ZNF133: variants seen among roughly 807,000 people sequenced by gnomAD.
ZNF133 encodes the protein zinc finger protein 133 (clone pHZ-13).
A neutral mutation model predicts 54.9 loss-of-function variants in ZNF133; 26 were observed. The ratio of observed to expected loss-of-function variants is 0.47; its 90% CI spans 0.35 to 0.66. ZNF133 has a LOEUF of 0.66. ZNF133 is among the 30% of genes least tolerant of loss of function. The pLI, the probability that ZNF133 is intolerant of heterozygous loss-of-function variation, is 0.01. For missense variants in ZNF133, 653 were observed against 820.8 expected, an observed-to-expected ratio of 0.80 and a Z score of 2.50; for synonymous variants, 298 against 320.3, an observed-to-expected ratio of 0.93 and a Z score of 0.74.
chr20:18,291,534 G>A (rs1183434687), intron 1 of ZNF133, among the ~76,000 whole-genome samples: 1 of 151,916 alleles, frequency 6.6e-6, no homozygotes, highest in Non-Finnish European at 1.5e-5. Context: ...TTCCACCGTG[G>A]AAAAGGCCCT....
intron 6 of ZNF133, chr20:18,310,439 A>C: frequency 1.0e-6 from 1 of 997,240 alleles, no homozygotes; most frequent in Non-Finnish European, 1.4e-6. Flanking sequence ...CATTAATCAG[A>C]ATGCTAATTC....
chr20:18,293,715 CAG>C (rs1436806943), intron 1 of ZNF133, among the ~76,000 whole-genome samples: 1 of 151,128 alleles, frequency 6.6e-6, no homozygotes, highest in Non-Finnish European at 1.5e-5. Flanking sequence ...ACAGCTCTGA[CAG>C]AGGAATTCTA....
chr20:18,290,750 G>A (rs2040779172), intron 1 of ZNF133, among the ~76,000 whole-genome samples: 1 of 152,114 alleles, frequency 6.6e-6, no homozygotes, highest in African/African-American at 2.4e-5. Context: ...TTGCTGATCT[G>A]TGTTGACAGC....
chr20:18,297,923 GC>G, intron 1 of ZNF133, 61 bp from the exon 2 acceptor site: 1 of 1,126,202 alleles, frequency 8.9e-7, no homozygotes, highest in Non-Finnish European at 1.3e-6. Flanking sequence ...AGCAGGCCCT[GC>G]TTCACTCATG....
chr20:18,297,800 G>T (rs2042545499), intron 1 of ZNF133, among the ~76,000 whole-genome samples, 185 bp from the exon 2 acceptor site: 1 of 152,010 alleles, frequency 6.6e-6, no homozygotes, highest in African/African-American at 2.4e-5. Flanking sequence ...GAAGACCCTG[G>T]ATTACTCTCT....
At chr20:18,300,508 C>T (rs943616435) in intron 3 of ZNF133, among the ~76,000 whole-genome samples, 2 of 152,054 alleles carry the variant, frequency 1.3e-5, no homozygotes, top group Non-Finnish European at 2.9e-5. Flanking sequence ...TATGTAAATG[C>T]TTTAAACTCT....
chr20:18,298,000 T>C lies in ZNF133; in HGVS notation c.-416T>C, dbSNP rs1470678088. ...CCTTACCCAGATCTACCTTCTGAGA[T>C]ATCATCCTTCTTCAGGGAGATAAGG... On this transcript the variant is annotated 5_prime_UTR_variant, in exon 2 of 7. Transcript: ENST00000425686. The C allele has an allele frequency of 3.9e-6, 6 of 1,533,034 alleles. No individual in the cohort carries two copies. Among genetic ancestry groups the C allele is most frequent in the Non-Finnish European group, 3.5e-6 (4 of 1,144,710 alleles). The allele number at this position is 1,533,034 out of a possible 1,614,324, so 95.0% of individuals were successfully genotyped here. A position where few individuals can be genotyped will look rare whatever the true frequency, so the allele number is the denominator to read the frequency against.
Position 18,298,371 on chromosome 20 carries a change from G to A in ZNF133, c.-271G>A, listed in dbSNP as rs974460848. 1.1e-5 allele frequency: 14 copies of A among 1,217,950 alleles called. No homozygotes were observed. The highest frequency in any genetic ancestry group is 1.4e-5 in the Non-Finnish European group (14 of 970,356). 75.4% of individuals were successfully genotyped at this position (1,217,950 alleles called of 1,614,324 possible). ...GAATCTGTGTCCCCACCTAGACAAC[G>A]ATTATACTGGCAGGATCTATCAGGT... On this transcript the variant is annotated 5_prime_UTR_variant, in exon 3 of 7. Transcript: ENST00000425686.
chr20:18,312,174 A>C (rs3918466), intron 6 of ZNF133, among the ~76,000 whole-genome samples: 52,262 of 152,062 alleles, frequency 0.34, 10,749 homozygotes, highest in African/African-American at 0.57. Context: ...GATGCTGAAT[A>C]AACTGAATTT....
Position 18,298,424 on chromosome 20 carries a change from G to A in ZNF133, c.-218G>A. The A allele has an allele frequency of 1.2e-6, 1 of 813,368 alleles. No individual in the cohort carries two copies. Among genetic ancestry groups the A allele is most frequent in the African/African-American group, 1.8e-5 (1 of 54,726 alleles). The allele number at this position is 813,368 out of a possible 1,614,324, so 50.4% of individuals were successfully genotyped here. A position where few individuals can be genotyped will look rare whatever the true frequency, so the allele number is the denominator to read the frequency against. On this transcript the variant is annotated 5_prime_UTR_variant, in exon 3 of 7. Transcript: ENST00000425686. ...ACCTATTTTGGAACTCTGGAGTCTA[G>A]TTGAAGGCCTCCAGTTCCCAGGGGG... is the stretch of plus-strand genomic sequence containing the variant.
chr20:18,314,999 A>T, intron 6 of ZNF133, 70 bp from the exon 7 acceptor site: 1 of 1,462,404 alleles, frequency 6.8e-7, no homozygotes, highest in South Asian at 1.4e-5. Flanking sequence ...AGCCTAGGGG[A>T]TCTGACTAAG....
At position 18,305,072 on chromosome 20, in the gene ZNF133, A is replaced by C. The variant is rs1428139520; in HGVS notation, c.-113A>C. 5.1e-6 allele frequency: 5 copies of C among 985,536 alleles called. No homozygotes were observed. The African/African-American group carries it at 8.7e-5, about 17-fold the overall frequency. The allele number at this position is 985,536 out of a possible 1,614,324, so 61.0% of individuals were successfully genotyped here. ...GAATAAAACTGGGCAGGGGCATGAGAATAGGATGCAAAGATGAATTTTTGG... is the reference window on the plus strand; with the variant it reads ...GAATAAAACTGGGCAGGGGCATGAGCATAGGATGCAAAGATGAATTTTTGG... On this transcript the variant is annotated 5_prime_UTR_variant, in exon 4 of 7. Transcript: ENST00000425686. The surrounding 1 kb of genome is among the most constrained non-coding windows in gnomAD (Gnocchi z 4.7).
Position 18,315,862 on chromosome 20 carries a change from G to C in ZNF133, c.1011G>C (p.Gln337His). 6.2e-7 allele frequency: 1 copy of C among 1,613,174 alleles called. No homozygotes were observed. Residue 337 changes from glutamine to histidine, a missense_variant, in exon 7 of 7, where the codon CAG (glutamine) becomes CAC (histidine). Around this residue, in one of 4 missense-constraint regions of ZNF133, gnomAD observed 292 missense variants for 431.6 expected, o/e 0.68. Transcript: ENST00000425686. The stretch of plus-strand genomic sequence containing the variant: ...GGGAATGTGGCAAAGGCTTCAGCCA[G>C]AAGTCAGCTGTCGTGAGACACCAGA... ...VCRECGKGFSQKSAVVRHQRT... is the reference protein window; with the variant it reads ...VCRECGKGFSHKSAVVRHQRT...
chr20:18,293,484 T>G (rs1439854100), intron 1 of ZNF133, among the ~76,000 whole-genome samples: 7 of 152,226 alleles, frequency 4.6e-5, no homozygotes, highest in Non-Finnish European at 8.8e-5. Context: ...CTGTCTGGCC[T>G]TCTTAGGACT....
chr20:18,316,303 C>G lies in ZNF133; in HGVS notation c.1452C>G (p.His484Gln). 1 of 1,613,816 alleles carries G rather than the reference C, an allele frequency of 6.2e-7. No individual in the cohort carries two copies. The highest frequency in any genetic ancestry group is 8.5e-7 in the Non-Finnish European group (1 of 1,179,848). ...GFSQQSNLIR[H>Q]QRTHSGEKPM... ...GCCAGCAATCCAACCTCATCAGACACCAGAGGACGCACTCAGGCGAGAAGC... is the reference window on the plus strand; with the variant it reads ...GCCAGCAATCCAACCTCATCAGACAGCAGAGGACGCACTCAGGCGAGAAGC... The change falls in exon 7 of 7, where the codon CAC becomes CAG. Residue 484 changes from histidine to glutamine, a missense_variant. Transcript: ENST00000425686.
Position 18,298,352 on chromosome 20 carries a change from G to C in ZNF133, c.-290G>C, listed in dbSNP as rs1600399291. 6 of 1,279,142 alleles carry C rather than the reference G, an allele frequency of 4.7e-6. No individual in the cohort carries two copies. In the East Asian group the frequency reaches 1.7e-4, roughly 37 times the overall value. 79.2% of individuals were successfully genotyped at this position (1,279,142 alleles called of 1,614,324 possible). A position where few individuals can be genotyped will look rare whatever the true frequency, so the allele number is the denominator to read the frequency against. On this transcript the variant is annotated 5_prime_UTR_variant, in exon 3 of 7. Transcript: ENST00000425686. ...ATGGAACGGGAAGATTCTGGAATCT[G>C]TGTCCCCACCTAGACAACGATTATA...
intron 6 of ZNF133, among the ~76,000 whole-genome samples, chr20:18,307,234 G>C (rs2044846464): frequency 6.6e-6 from 1 of 151,888 alleles, no homozygotes; most frequent in Non-Finnish European, 1.5e-5. Context: ...TGTTCTTTTT[G>C]TTTGTTTGAA....
Position 18,305,837 on chromosome 20 carries a change from T to C in ZNF133, c.121+30T>C, listed in dbSNP as rs2044445552. 3 of 1,580,896 alleles carry C rather than the reference T, an allele frequency of 1.9e-6. No homozygotes were observed. The East Asian group carries it at 6.8e-5, about 36-fold the overall frequency. On this transcript the variant is annotated intron_variant, in intron 5 of 6. Coordinates refer to ENST00000425686, the MANE Select transcript of ZNF133 (RefSeq NM_001352452.2). This position sits in a 1 kb window ranked among gnomAD's most constrained non-coding sequence, Gnocchi z 4.7. Reference sequence around the variant, plus strand: ...GCCTGATATCTGTTAGGATTCCCATTCTTATTGCTGGGAATTTTAGGCTAT... The same window carrying C: ...GCCTGATATCTGTTAGGATTCCCATCCTTATTGCTGGGAATTTTAGGCTAT...
At chr20:18,294,727 T>C (rs1231122309) in intron 1 of ZNF133, among the ~76,000 whole-genome samples, 2 of 152,180 alleles carry the variant, frequency 1.3e-5, no homozygotes, top group African/African-American at 4.8e-5. Flanking sequence ...AGAGAGGCAA[T>C]CATGACTTCT....
Sources: gnomAD v4.1 joint callset for allele counts (sites outside exome capture counted in the v4.1 genomes callset) on GRCh38, gnomAD v4.1.1 for gene constraint, gnomAD v4.1.1 regional missense constraint, Gnocchi (gnomAD v3.1) non-coding constraint, MANE v1.5 for transcripts, NCBI Gene and HGNC (gene_info 2026-07-23, HGNC 2026-07-21) for gene names.